HTT: variants seen among roughly 807,000 people sequenced by gnomAD.
HTT encodes the protein huntington disease protein.
A neutral mutation model predicts 362.3 loss-of-function variants in HTT; 104 were observed. The ratio of observed to expected loss-of-function variants is 0.29; its 90% CI spans 0.24 to 0.34. HTT has a LOEUF of 0.34. Among genes scored for constraint, HTT ranks in the 10% least tolerant of loss-of-function variants. The pLI, the probability that HTT is intolerant of heterozygous loss-of-function variation, is 1.00. For missense variants in HTT, 3,301 were observed against 3,928.6 expected (o/e 0.84, Z 4.27); for synonymous variants, 1,577 against 1,548.7 (o/e 1.02, Z -0.43).
chr4:3,228,979 G>A lies in HTT; in HGVS notation c.8079G>A (p.Pro2693=), dbSNP rs752778082. The part of the protein sequence containing the change: ...ILPSSSARRT[P]AILISEVVRS... ...CGTCCAGCTCAGCCAGGAGGACCCC[G>A]GCCATCCTGATCAGTGAGGTGGTCA... The change falls in exon 59 of 67, where the codon CCG becomes CCA. Residue 2693 remains proline (P), a synonymous_variant. Coordinates refer to ENST00000355072, the MANE Select transcript of HTT (RefSeq NM_001388492.1). The surrounding 1 kb of genome is among the most constrained non-coding windows in gnomAD (Gnocchi z 4.3). The A allele has an allele frequency of 5.0e-6, 8 of 1,613,644 alleles. No homozygotes were observed. Among genetic ancestry groups the A allele is most frequent in the Middle Eastern group, 1.7e-4 (1 of 6,058 alleles).
chr4:3,232,736 G>A (rs994567213), intron 60 of HTT, among the ~76,000 whole-genome samples: 14 of 152,360 alleles, frequency 9.2e-5, no homozygotes, highest in African/African-American at 2.2e-4. Flanking sequence ...CAGCGGGGTC[G>A]TGCAGGACGC....
chr4:3,091,786 G>A lies in HTT; in HGVS notation c.347+4764G>A, dbSNP rs372455535. Among the ~76,000 whole-genome samples the A allele has an allele frequency of 2.0e-5, 3 of 152,248 alleles. No individual in the cohort carries two copies. The East Asian group carries it at 5.8e-4, about 29-fold the overall frequency. On this transcript the variant is annotated intron_variant, in intron 2 of 66. Coordinates refer to ENST00000355072, the MANE Select transcript of HTT (RefSeq NM_001388492.1). ...AGAACCTTTTTTACCTGTCAAATTG[G>A]CAAACATTAAGAATATTCAGATTTT...
chr4:3,235,437 G>T, intron 62 of HTT, 39 bp downstream of exon 62: 1 of 1,517,934 alleles, frequency 6.6e-7, no homozygotes, highest in Non-Finnish European at 9.1e-7. Context: ...CACACGGGGA[G>T]TGGGCTTCCC....
chr4:3,099,457 CG>C, intron 3 of HTT, 63 bp downstream of exon 3: 2 of 1,598,322 alleles, frequency 1.3e-6, no homozygotes, highest in Non-Finnish European at 1.7e-6. Flanking sequence ...AGAGAAGAAG[CG>C]ATCATTGAGT....
intron 29 of HTT, among the ~76,000 whole-genome samples, chr4:3,170,296 AT>A (rs562447404): frequency 7.3e-5 from 11 of 149,706 alleles, no homozygotes; most frequent in Admixed American, 6.7e-5. Flanking sequence ...TTTAGGACTA[AT>A]TTTTTTTTTG....
In HTT at chr4:3,074,681, G is replaced by T; in HGVS notation, c.-145G>T. 4 of 787,358 alleles carry T rather than the reference G, an allele frequency of 5.1e-6. No homozygotes were observed. The highest frequency in any genetic ancestry group is 7.1e-6 in the Non-Finnish European group (4 of 564,900). 48.8% of individuals were successfully genotyped at this position (787,358 alleles called of 1,614,324 possible). ...GTCTGGGACGCAAGGCGCCGTGGGG[G>T]CTGCCGGGACGGGTCCAAGATGGAC... On this transcript the variant is annotated 5_prime_UTR_variant, in exon 1 of 67. Coordinates refer to ENST00000355072, the MANE Select transcript of HTT (RefSeq NM_001388492.1).
At chr4:3,083,586 CAT>C (rs796776728) in intron 1 of HTT, among the ~76,000 whole-genome samples, 19,318 of 118,212 alleles carry the variant, frequency 0.16, 2,064 homozygotes, top group East Asian at 0.24. Flanking sequence ...CACACACACA[CAT>C]ATATATGTAT....
intron 60 of HTT, among the ~76,000 whole-genome samples, chr4:3,231,311 C>T (rs1185900944): frequency 2.0e-5 from 3 of 152,110 alleles, no homozygotes; most frequent in Non-Finnish European, 2.9e-5. Flanking sequence ...GTGTCAGGAA[C>T]GACAATGCTG....
chr4:3,213,601 C>G lies in HTT; in HGVS notation c.6775-357C>G, dbSNP rs145498084. ...GCCTGCTATCCCTAGAACCCACGCT[C>G]TCAAATTCAACCTATGACAGAGGCA... On this transcript the variant is annotated intron_variant, in intron 49 of 66. Transcript: ENST00000355072. 3.3e-3 allele frequency among the ~76,000 whole-genome samples: 499 copies of G among 152,346 alleles called. 2 individuals carry two copies. Among genetic ancestry groups the G allele is most frequent in the Middle Eastern group, 0.017 (5 of 294 alleles).
At chr4:3,081,110 G>C (rs1712875203) in intron 1 of HTT, among the ~76,000 whole-genome samples, 1 of 152,202 alleles carries the variant, frequency 6.6e-6, no homozygotes, top group Admixed American at 6.5e-5. Context: ...CAGCTTGTCA[G>C]TTTCAACAAA....
chr4:3,216,675 G>A (rs1034319924), intron 51 of HTT, among the ~76,000 whole-genome samples: 4 of 152,178 alleles, frequency 2.6e-5, no homozygotes, highest in Non-Finnish European at 5.9e-5. Context: ...AGAGTGGGAA[G>A]CTTTCTTTGT....
intron 37 of HTT, among the ~76,000 whole-genome samples, chr4:3,183,884 G>T (rs1718638980): frequency 6.6e-6 from 1 of 152,232 alleles, no homozygotes; most frequent in Non-Finnish European, 1.5e-5. Context: ...ACAGGTGCAT[G>T]TTGCATTCAG....
chr4:3,132,781 A>G, intron 17 of HTT, 33 bp from the exon 18 acceptor site: 2 of 1,612,434 alleles, frequency 1.2e-6, no homozygotes, highest in Non-Finnish European at 1.7e-6. Context: ...TTAAGTTTAG[A>G]TGATGATGTT....
At chr4:3,168,711 A>T (rs946719532) in intron 29 of HTT, among the ~76,000 whole-genome samples, 1 of 152,080 alleles carries the variant, frequency 6.6e-6, no homozygotes, top group African/African-American at 2.4e-5. Context: ...AACTGTCTCT[A>T]CAAAAAGAAA....
At chr4:3,176,898 C>T (rs1056033189) in intron 33 of HTT, among the ~76,000 whole-genome samples, 5 of 152,230 alleles carry the variant, frequency 3.3e-5, no homozygotes, top group African/African-American at 1.2e-4. Context: ...GCAGGGAATA[C>T]AGTGTGACAC....
At chr4:3,138,181 G>C in intron 21 of HTT, among the ~76,000 whole-genome samples, 1 of 94,542 alleles carries the variant, frequency 1.1e-5, no homozygotes. Context: ...TCCCCTTCCC[G>C]CCTGCCTGCC....
rs565628192 is a variant in HTT, at chr4:3,127,187, G to A, written c.1403-77G>A. Reference sequence around the variant, plus strand: ...ACATTTGATAACGGTGGAACTGTTCGTTATTTTGCAAGCCTGTGATTCCCT... The same window carrying A: ...ACATTTGATAACGGTGGAACTGTTCATTATTTTGCAAGCCTGTGATTCCCT... On this transcript the variant is annotated intron_variant, in intron 11 of 66. Coordinates refer to ENST00000355072, the MANE Select transcript of HTT (RefSeq NM_001388492.1). 4.5e-4 allele frequency: 483 copies of A among 1,084,824 alleles called. 1 individual carries two copies. The highest frequency in any genetic ancestry group is 6.2e-4 in the Non-Finnish European group (447 of 719,622). 67.2% of individuals were successfully genotyped at this position (1,084,824 alleles called of 1,614,324 possible). A position where few individuals can be genotyped will look rare whatever the true frequency, so the allele number is the denominator to read the frequency against.
chr4:3,104,524 G>A (rs1276770084), intron 4 of HTT, among the ~76,000 whole-genome samples: 1 of 151,968 alleles, frequency 6.6e-6, no homozygotes, highest in Non-Finnish European at 1.5e-5. Context: ...TAGGGGAATC[G>A]CTTGAACCTG....
intron 28 of HTT, 134 bp from the exon 29 acceptor site, chr4:3,160,148 A>G: frequency 3.3e-6 from 2 of 604,268 alleles, no homozygotes; most frequent in Non-Finnish European, 6.2e-6. Context: ...ACGCAGACAC[A>G]CCCTGCAAGG....
Sources: allele counts gnomAD v4.1 joint callset (sites outside exome capture counted in the v4.1 genomes callset), GRCh38; gene constraint gnomAD v4.1.1; non-coding constraint Gnocchi (gnomAD v3.1); transcripts MANE v1.5; gene names NCBI Gene and HGNC (gene_info 2026-07-23, HGNC 2026-07-21).